The following SLC27A1 variants were observed in gnomAD, a reference collection of about 807,000 sequenced individuals.
SLC27A1 encodes solute carrier family 27 member 1, also known as long-chain fatty acid transport protein 1.
Under a neutral mutation model 62.2 loss-of-function variants are expected in SLC27A1, and 61 were observed. The ratio of observed to expected loss-of-function variants is 0.98; its 90% CI spans 0.80 to 1.21. The LOEUF (loss-of-function observed/expected upper bound fraction) is 1.21. Among genes scored for constraint, SLC27A1 ranks in the 50% most tolerant of loss-of-function variants. The pLI, the probability that SLC27A1 is intolerant of heterozygous loss-of-function variation, is 0.00. For synonymous variants in SLC27A1, 435 were observed against 408.6 expected (o/e 1.06, Z -0.78); for missense variants, 903 against 932.1 (o/e 0.97, Z 0.41).
rs1239440062 is a variant in SLC27A1 at position 17,482,977 on chromosome 19, G to GGAAT, written c.168-3575_168-3572dup. Among the ~76,000 whole-genome samples, 10 of 151,418 alleles carry GGAAT rather than the reference G, an allele frequency of 6.6e-5. No homozygotes were observed. The East Asian group carries it at 7.7e-4, about 12-fold the overall frequency. On this transcript the variant is annotated intron_variant, in intron 1 of 11. Transcript: ENST00000252595. ...CTCACAATGCCAATGAATGATGGAG[G>GGAAT]GAATGAATGAATGAGGGAATGAGTG... is the stretch of plus-strand genomic sequence containing the variant.
intron 11 of SLC27A1, chr19:17,503,419 AAATG>A (rs1475766123): frequency 6.6e-6 from 1 of 152,234 alleles, no homozygotes; most frequent in African/African-American, 2.4e-5. Flanking sequence ...GACAATGTGC[AAATG>A]AATGAGCATG....
Position 17,488,353 on chromosome 19 carries a change from C to T in SLC27A1, c.795-495C>T, listed in dbSNP as rs2075258874. ...AGCCTGGATGATACAGCAAGACTCC[C>T]TCTCAAAAAAAGAAACAAATAACAA... On this transcript the variant is annotated intron_variant, in intron 4 of 11. Transcript: ENST00000252595. 2.0e-5 allele frequency among the ~76,000 whole-genome samples: 3 copies of T among 152,080 alleles called. No homozygotes were observed. In the South Asian group the frequency reaches 6.2e-4, roughly 32 times the overall value.
chr19:17,485,819 C>T (rs1418656762), intron 1 of SLC27A1, among the ~76,000 whole-genome samples: 5 of 151,374 alleles, frequency 3.3e-5, no homozygotes, highest in African/African-American at 9.7e-5. Flanking sequence ...AGTGAGACTC[C>T]GTCTCAAAAA....
chr19:17,485,191 C>CTTT (rs386388659), intron 1 of SLC27A1, among the ~76,000 whole-genome samples: 13,846 of 104,162 alleles, frequency 0.13, 1,028 homozygotes, highest in African/African-American at 0.17. Flanking sequence ...TTTTTGTTTC[C>CTTT]TTTTTTTTTT....
upstream of SLC27A1, chr19:17,470,430 C>T: frequency 7.8e-7 from 1 of 1,277,040 alleles, no homozygotes; most frequent in Non-Finnish European, 1.0e-6. Context: ...GGCGCAGAGC[C>T]GAGGCCTGGG....
intron 1 of SLC27A1, among the ~76,000 whole-genome samples, chr19:17,472,435 T>A (rs2075085960): frequency 6.6e-6 from 1 of 151,508 alleles, no homozygotes; most frequent in Non-Finnish European, 1.5e-5. Context: ...GAGGCCATAC[T>A]CCTGAGCATT....
At position 17,470,707 on chromosome 19, in the gene SLC27A1, T is replaced by C. The variant is rs1409615997; in HGVS notation, c.167T>C (p.Phe56Ser). The C allele has an allele frequency of 6.3e-7, 1 of 1,576,298 alleles. No individual in the cohort carries two copies. Among genetic ancestry groups the C allele is most frequent in the Admixed American group, 1.8e-5 (1 of 56,778 alleles). Residue 56 changes from phenylalanine (F) to serine (S), a missense_variant and splice_region_variant, in exon 1 of 12, where the codon TTC (phenylalanine) becomes TCC (serine). Phe to Ser is a radical substitution (Grantham distance 155). Coordinates refer to ENST00000252595, the MANE Select transcript of SLC27A1 (RefSeq NM_198580.3). ...IVCKTARRDL[F>S]GLSVLIRVRL... ...TGCAAGACCGCGAGGCGAGACCTCT[T>C]GTGAGTGTTGCCGGGATCCGTCCAG...
intron 6 of SLC27A1, among the ~76,000 whole-genome samples, chr19:17,491,885 A>G (rs1197886546): frequency 2.0e-5 from 3 of 151,520 alleles, no homozygotes; most frequent in Non-Finnish European, 4.4e-5. Flanking sequence ...AAAAAATAAA[A>G]AAAAGAAAAG....
intron 1 of SLC27A1, among the ~76,000 whole-genome samples, chr19:17,481,395 C>A (rs1360601809): frequency 6.7e-6 from 1 of 150,358 alleles, no homozygotes; most frequent in Non-Finnish European, 1.5e-5. Flanking sequence ...CGGCTCACTG[C>A]AACCTCTGCC....
chr19:17,492,632 A>AAG (rs1555746059), intron 6 of SLC27A1, among the ~76,000 whole-genome samples: 73 of 149,812 alleles, frequency 4.9e-4, no homozygotes, highest in African/African-American at 1.8e-3. Context: ...AAAAAAAAAA[A>AAG]AAAGAAAAAG....
chr19:17,495,442 C>T (rs1808559), intron 6 of SLC27A1: 119,393 of 151,720 alleles, frequency 0.79, 48,202 homozygotes, highest in Non-Finnish European at 0.89. Flanking sequence ...CCACCACGCC[C>T]GGCTAATTTT....
chr19:17,488,887 C>T lies in SLC27A1; in HGVS notation c.834C>T (p.Arg278=). 3.7e-6 allele frequency: 6 copies of T among 1,614,124 alleles called. No individual in the cohort carries two copies. The highest frequency in any genetic ancestry group is 1.7e-4 in the Middle Eastern group (1 of 6,032). Residue 278 remains arginine, a synonymous_variant, in exon 5 of 12, where the codon CGC becomes CGT. Coordinates refer to ENST00000252595, the MANE Select transcript of SLC27A1 (RefSeq NM_198580.3). ...RMAAFGHHAY[R]MQAADVLYDC... is the part of the protein sequence containing the mutation. ...CAGCCTTCGGCCACCACGCCTACCGCATGCAGGCGGCTGACGTGCTCTATG... is the reference window on the plus strand; with the variant it reads ...CAGCCTTCGGCCACCACGCCTACCGTATGCAGGCGGCTGACGTGCTCTATG...
intron 7 of SLC27A1, chr19:17,498,716 A>G (rs1302505513): frequency 3.3e-5 from 7 of 209,770 alleles, no homozygotes; most frequent in Non-Finnish European, 6.5e-5. Context: ...GTCTGGCTGC[A>G]CTGTTATTTA....
At chr19:17,497,026 AAAC>A (rs147759923) in intron 6 of SLC27A1, 5,694 of 475,792 alleles carry the variant, frequency 0.012, 251 homozygotes, top group African/African-American at 0.096. Context: ...CCCAACCAAA[AAAC>A]AACAAAAAAA....
Position 17,485,278 on chromosome 19 carries a change from C to T in SLC27A1, c.168-1285C>T, listed in dbSNP as rs2075218336. ...GATCTCGGCTCACTGCAACCTCTGC[C>T]TGCTGTGTTTAAGCAATTCTCCTGC... On this transcript the variant is annotated intron_variant, in intron 1 of 11. Coordinates refer to ENST00000252595, the MANE Select transcript of SLC27A1 (RefSeq NM_198580.3). Among the ~76,000 whole-genome samples the T allele has an allele frequency of 2.0e-5, 3 of 146,414 alleles. No homozygotes were observed. The South Asian group carries it at 6.4e-4, about 31-fold the overall frequency.
intron 1 of SLC27A1, among the ~76,000 whole-genome samples, chr19:17,477,507 G>C (rs2075136357): frequency 2.0e-5 from 3 of 151,434 alleles, no homozygotes; most frequent in Admixed American, 2.0e-4. Context: ...GCCTCCCAAA[G>C]AGCTGGGATT....
intron 10 of SLC27A1, 102 bp downstream of exon 10, chr19:17,500,978 G>T (rs1379349624): frequency 8.4e-6 from 11 of 1,316,654 alleles, no homozygotes; most frequent in Middle Eastern, 5.3e-4. Flanking sequence ...GCACAACCTG[G>T]ACAACTGCTC....
intron 1 of SLC27A1, among the ~76,000 whole-genome samples, chr19:17,477,768 T>C (rs967333561): frequency 6.6e-6 from 1 of 151,840 alleles, no homozygotes; most frequent in African/African-American, 2.4e-5. Context: ...TTGGGCAGGC[T>C]GGTCTTGAAC....
At chr19:17,471,939 C>T (rs947972731) in intron 1 of SLC27A1, among the ~76,000 whole-genome samples, 1 of 152,192 alleles carries the variant, frequency 6.6e-6, no homozygotes, top group Non-Finnish European at 1.5e-5. Flanking sequence ...CCACTCCCCC[C>T]ATCCATATGT....
Sources: gnomAD v4.1 joint callset for allele counts (sites outside exome capture counted in the v4.1 genomes callset) on GRCh38, gnomAD v4.1.1 for gene constraint, MANE v1.5 for transcripts, NCBI Gene and HGNC (gene_info 2026-07-23, HGNC 2026-07-21) for gene names.